Variants in PRKN observed in about 807,000 individuals in gnomAD.
PRKN encodes E3 ubiquitin-protein ligase parkin.
PRKN carries 56 observed loss-of-function variants against 59.5 expected under a neutral mutation model. The ratio of observed to expected loss-of-function variants is 0.94; its 90% CI spans 0.76 to 1.18. PRKN has a LOEUF of 1.18. Among genes scored for constraint, PRKN ranks in the 50% most tolerant of loss-of-function variants. The pLI, the probability that PRKN is intolerant of heterozygous loss-of-function variation, is 0.00. For missense variants in PRKN, 657 were observed against 596.4 expected (o/e 1.10, Z -1.06); for synonymous variants, 250 against 222.1 (o/e 1.13, Z -1.12).
At chr6:162,212,205 A>C (rs1785233153) in intron 3 of PRKN, among the ~76,000 whole-genome samples, 1 of 152,084 alleles carries the variant, frequency 6.6e-6, no homozygotes, top group Non-Finnish European at 1.5e-5. Flanking sequence ...GTTCCCTTCA[A>C]GTTGAATGTC....
At chr6:162,218,871 C>T (rs1777812661) in intron 3 of PRKN, among the ~76,000 whole-genome samples, 2 of 152,088 alleles carry the variant, frequency 1.3e-5, no homozygotes, top group Admixed American at 1.3e-4. Context: ...AGTTGCCAAC[C>T]ATATGCCTGT....
Position 161,395,035 on chromosome 6 carries a change from A to C in PRKN, c.1084-8158T>G, listed in dbSNP as rs1306915360. Among the ~76,000 whole-genome samples the C allele has an allele frequency of 6.6e-6, 1 of 152,200 alleles. No individual in the cohort carries two copies. Among genetic ancestry groups the C allele is most frequent in the African/African-American group, 2.4e-5 (1 of 41,434 alleles). On this transcript the variant is annotated intron_variant, in intron 9 of 11. Transcript: ENST00000366898. The surrounding 1 kb of genome is among the most constrained non-coding windows in gnomAD (Gnocchi z 5.0). ...TAAAAAGTAGGTATTCTTTGAATGC[A>C]AAATATGTGCAGGTAGCACAGATTC...
At chr6:162,394,261 T>G (rs1787362895) in intron 2 of PRKN, among the ~76,000 whole-genome samples, 1 of 152,180 alleles carries the variant, frequency 6.6e-6, no homozygotes, top group Non-Finnish European at 1.5e-5. Context: ...TCTGCAATGC[T>G]AGGGAGCTCT....
At chr6:161,513,454 A>C (rs1778470075) in intron 9 of PRKN, among the ~76,000 whole-genome samples, 2 of 94,966 alleles carry the variant, frequency 2.1e-5, no homozygotes, top group East Asian at 5.3e-4. Context: ...GTTAGCCAGG[A>C]TGGTCTCGAT....
intron 3 of PRKN, among the ~76,000 whole-genome samples, chr6:162,201,901 A>G (rs1257958476): frequency 6.6e-6 from 1 of 152,210 alleles, no homozygotes; most frequent in Non-Finnish European, 1.5e-5. Flanking sequence ...CAAGAGTAAA[A>G]GGTGAACAAA....
At chr6:162,160,807 C>T (rs550288678) in intron 4 of PRKN, among the ~76,000 whole-genome samples, 5 of 135,056 alleles carry the variant, frequency 3.7e-5, no homozygotes, top group South Asian at 5.1e-4. Flanking sequence ...AGGAGAATGG[C>T]GTGAACCCGG....
chr6:161,389,116 C>T (rs1786393338), intron 9 of PRKN, among the ~76,000 whole-genome samples: 1 of 152,042 alleles, frequency 6.6e-6, no homozygotes, highest in African/African-American at 2.4e-5. Flanking sequence ...ATAATAGAAA[C>T]CAGGATATAA....
intron 11 of PRKN, among the ~76,000 whole-genome samples, chr6:161,358,028 A>G (rs920818789): frequency 2.0e-5 from 3 of 152,226 alleles, no homozygotes; most frequent in African/African-American, 7.2e-5. Context: ...AAATAAACCA[A>G]TCTTTCTCAT....
At chr6:161,909,780 A>G (rs1386755619) in intron 6 of PRKN, among the ~76,000 whole-genome samples, 1 of 152,218 alleles carries the variant, frequency 6.6e-6, no homozygotes, top group African/African-American at 2.4e-5. Context: ...GAGCATGTAC[A>G]TACTATAACT....
Position 161,995,379 on chromosome 6 carries a change from G to A in PRKN, c.619-21962C>T, listed in dbSNP as rs117035900. Among the ~76,000 whole-genome samples, 15 of 151,724 alleles carry A rather than the reference G, an allele frequency of 9.9e-5. No individual in the cohort carries two copies. The East Asian group carries it at 2.9e-3, about 30-fold the overall frequency. On this transcript the variant is annotated intron_variant, in intron 5 of 11. Transcript: ENST00000366898. ...TAGGCAAAGATTTTTATGGCCATGA[G>A]CTCAAAAGCACAGGCAATAAAAAGT...
At chr6:162,078,014 A>G (rs1486423487) in intron 4 of PRKN, among the ~76,000 whole-genome samples, 1 of 151,836 alleles carries the variant, frequency 6.6e-6, no homozygotes, top group African/African-American at 2.4e-5. Flanking sequence ...AAAAAAAAAA[A>G]AAAAAAAAAT....
intron 1 of PRKN, among the ~76,000 whole-genome samples, chr6:162,452,290 G>A (rs1458936222): frequency 1.3e-5 from 2 of 152,092 alleles, no homozygotes; most frequent in Non-Finnish European, 2.9e-5. Flanking sequence ...ACAAGACAGA[G>A]ATTCAAATCC....
At chr6:161,790,583 C>T (rs1050086263) in intron 6 of PRKN, among the ~76,000 whole-genome samples, 12 of 152,066 alleles carry the variant, frequency 7.9e-5, no homozygotes, top group Admixed American at 2.6e-4. Flanking sequence ...AAAGAGACCC[C>T]GGAAAGCTCC....
At chr6:162,100,781 G>T in intron 4 of PRKN, among the ~76,000 whole-genome samples, 1 of 152,140 alleles carries the variant, frequency 6.6e-6, no homozygotes, top group East Asian at 1.9e-4. Flanking sequence ...TAACAGGTAT[G>T]AGGTAATATC....
chr6:162,406,694 T>C (rs1049249034), intron 2 of PRKN, among the ~76,000 whole-genome samples: 1 of 152,124 alleles, frequency 6.6e-6, no homozygotes, highest in African/African-American at 2.4e-5. Context: ...AGAGAAGAGA[T>C]AGGAGCGCAC....
At chr6:162,713,419 A>G (rs2849516) in intron 1 of PRKN, among the ~76,000 whole-genome samples, 137,749 of 150,392 alleles carry the variant, frequency 0.92, 63,243 homozygotes, top group East Asian at 0.98. Flanking sequence ...GCGTGAACCC[A>G]GGAGGTGGAG....
At chr6:161,798,768 T>G (rs180810937) in intron 6 of PRKN, among the ~76,000 whole-genome samples, 8 of 152,320 alleles carry the variant, frequency 5.3e-5, no homozygotes, top group African/African-American at 1.9e-4. Flanking sequence ...CTTTTAGTTT[T>G]AAGGCTCCTT....
chr6:161,403,052 G>C (rs1787117210), intron 9 of PRKN, among the ~76,000 whole-genome samples: 1 of 152,102 alleles, frequency 6.6e-6, no homozygotes, highest in African/African-American at 2.4e-5. Flanking sequence ...GCACACCAAA[G>C]CATCATATTT....
chr6:162,113,930 T>G (rs369740847), intron 4 of PRKN, among the ~76,000 whole-genome samples: 3 of 152,056 alleles, frequency 2.0e-5, no homozygotes, highest in African/African-American at 7.2e-5. Flanking sequence ...GCTTTCTACA[T>G]ATGGCTAACC....
Sources: gnomAD v4.1 joint callset for allele counts (sites outside exome capture counted in the v4.1 genomes callset) on GRCh38, gnomAD v4.1.1 for gene constraint, Gnocchi (gnomAD v3.1) non-coding constraint, MANE v1.5 for transcripts, NCBI Gene and HGNC (gene_info 2026-07-23, HGNC 2026-07-21) for gene names.